The following PRKG1 variants were observed in gnomAD, a reference collection of about 807,000 sequenced individuals.
PRKG1 encodes the protein protein kinase cGMP-dependent 1.
Under a neutral mutation model 88.1 loss-of-function variants are expected in PRKG1, and 35 were observed. That is an observed-to-expected ratio of 0.40 (90% confidence interval 0.30 to 0.53). PRKG1 has a LOEUF of 0.53. Ranked by LOEUF, PRKG1 falls within the 20% of genes least tolerant of loss-of-function variation. PRKG1 has a pLI of 0.59. For missense variants in PRKG1, 540 were observed against 839.8 expected, an observed-to-expected ratio of 0.64 and a Z score of 4.41; for synonymous variants, 303 against 292.5, an observed-to-expected ratio of 1.04 and a Z score of -0.37.
At chr10:51,993,907 C>T (rs1844373313) in intron 5 of PRKG1, among the ~76,000 whole-genome samples, 1 of 152,196 alleles carries the variant, frequency 6.6e-6, no homozygotes, top group African/African-American at 2.4e-5. Context: ...TTTCCTAGGG[C>T]TTTCTTTACT....
intron 1 of PRKG1, among the ~76,000 whole-genome samples, chr10:51,117,004 G>A (rs1845140512): frequency 6.6e-6 from 1 of 152,072 alleles, no homozygotes; most frequent in East Asian, 1.9e-4. Flanking sequence ...GAGAGATAAT[G>A]GAGAAACGTA....
chr10:51,826,450 G>C (rs988082603), intron 4 of PRKG1, among the ~76,000 whole-genome samples: 2 of 152,186 alleles, frequency 1.3e-5, no homozygotes, highest in Non-Finnish European at 2.9e-5. Context: ...CCAGAGGATT[G>C]AGGAAGTGCT....
chr10:51,466,399 G>A (rs1033062828), intron 2 of PRKG1, among the ~76,000 whole-genome samples: 12 of 152,036 alleles, frequency 7.9e-5, no homozygotes, highest in African/African-American at 2.7e-4. Context: ...ATACAGAGGG[G>A]CATGCATACA....
intron 2 of PRKG1, among the ~76,000 whole-genome samples, chr10:51,406,148 A>G (rs1230283847): frequency 6.6e-6 from 1 of 152,146 alleles, no homozygotes; most frequent in Non-Finnish European, 1.5e-5. Context: ...GGATAAGCAC[A>G]GCAGCCCGCA....
At chr10:51,001,246 C>T (rs920016138) in intron 1 of PRKG1, among the ~76,000 whole-genome samples, 5 of 152,320 alleles carry the variant, frequency 3.3e-5, no homozygotes, top group South Asian at 2.1e-4. Flanking sequence ...TCTCACTTCC[C>T]GTACTGTCTC....
intron 1 of PRKG1, among the ~76,000 whole-genome samples, chr10:51,119,346 T>C (rs1845208107): frequency 6.6e-6 from 1 of 152,078 alleles, no homozygotes; most frequent in African/African-American, 2.4e-5. Context: ...TATTAACACA[T>C]TTTTATAAAT....
At chr10:51,076,234 A>G (rs903902059) in intron 1 of PRKG1, among the ~76,000 whole-genome samples, 2 of 152,198 alleles carry the variant, frequency 1.3e-5, no homozygotes, top group African/African-American at 2.4e-5. Context: ...AGGAGTTTGT[A>G]TTCTGCGAGG....
chr10:51,513,101 A>G (rs2132063815), intron 3 of PRKG1, among the ~76,000 whole-genome samples: 1 of 152,046 alleles, frequency 6.6e-6, no homozygotes, highest in African/African-American at 2.4e-5. Flanking sequence ...ATTAGCCCCC[A>G]TCTCATGTGC....
intron 7 of PRKG1, among the ~76,000 whole-genome samples, chr10:52,098,215 C>T (rs1239657034): frequency 2.0e-5 from 3 of 152,128 alleles, no homozygotes; most frequent in African/African-American, 7.2e-5. Context: ...TGATAATTTT[C>T]ATTTCACAAA....
At chr10:52,064,907 C>T (rs1468808036) in intron 7 of PRKG1, among the ~76,000 whole-genome samples, 1 of 152,154 alleles carries the variant, frequency 6.6e-6, no homozygotes, top group Non-Finnish European at 1.5e-5. Flanking sequence ...TTCCAGGGTT[C>T]ACTTGTAGGT....
chr10:52,090,250 T>A (rs145935402), intron 7 of PRKG1, among the ~76,000 whole-genome samples: 1 of 152,246 alleles, frequency 6.6e-6, no homozygotes, highest in East Asian at 1.9e-4. Flanking sequence ...AGGAATGATT[T>A]TTTTTTTAAA....
chr10:51,836,363 T>C (rs568642746), intron 4 of PRKG1, among the ~76,000 whole-genome samples: 4 of 152,188 alleles, frequency 2.6e-5, no homozygotes, highest in Admixed American at 6.6e-5. Context: ...TCCAAATCCA[T>C]GGATTTTCTC....
At chr10:51,429,211 C>T (rs1043035122) in intron 2 of PRKG1, among the ~76,000 whole-genome samples, 2 of 152,070 alleles carry the variant, frequency 1.3e-5, no homozygotes, top group Non-Finnish European at 2.9e-5. Flanking sequence ...TCTGACACAG[C>T]AATAATCACT....
chr10:51,927,020 A>C (rs1427819748), intron 5 of PRKG1, among the ~76,000 whole-genome samples: 1 of 152,062 alleles, frequency 6.6e-6, no homozygotes, highest in Non-Finnish European at 1.5e-5. Flanking sequence ...TCCTAAATGG[A>C]CTACTAGATT....
chr10:51,914,291 A>AC (rs1842289952), intron 5 of PRKG1, among the ~76,000 whole-genome samples: 1 of 5,402 alleles, frequency 1.9e-4, no homozygotes, highest in Non-Finnish European at 3.0e-4. Flanking sequence ...GCAAATAAAA[A>AC]CTTTTTTTCA....
chr10:52,168,459 GAGA>G (rs771311868), intron 9 of PRKG1, among the ~76,000 whole-genome samples: 11 of 152,292 alleles, frequency 7.2e-5, no homozygotes, highest in Non-Finnish European at 1.3e-4. Context: ...GAACAAAAGA[GAGA>G]AGGAGATCAG....
intron 4 of PRKG1, among the ~76,000 whole-genome samples, chr10:51,830,392 T>C (rs1243228632): frequency 6.6e-6 from 1 of 152,140 alleles, no homozygotes; most frequent in Non-Finnish European, 1.5e-5. Context: ...TGTGATTCTT[T>C]AATTATATAT....
chr10:52,188,217 TATATATACATATGTATATATATAC>T (rs1564508858), intron 9 of PRKG1, among the ~76,000 whole-genome samples: 4 of 50,334 alleles, frequency 7.9e-5, no homozygotes, highest in Admixed American at 3.5e-4. Flanking sequence ...TATATGTGTA[TATATATACATATGTATATATATAC>T]ATATATATGT....
intron 5 of PRKG1, among the ~76,000 whole-genome samples, chr10:52,051,874 C>T (rs938204738): frequency 6.6e-6 from 1 of 152,110 alleles, no homozygotes; most frequent in African/African-American, 2.4e-5. Flanking sequence ...AGTCATGCCA[C>T]CTCTCCTGGT....
Sources: allele counts gnomAD v4.1 joint callset (sites outside exome capture counted in the v4.1 genomes callset), GRCh38; gene constraint gnomAD v4.1.1; transcripts MANE v1.5; gene names NCBI Gene and HGNC (gene_info 2026-07-23, HGNC 2026-07-21).